SLC29A4: variants seen among roughly 807,000 people sequenced by gnomAD.
SLC29A4 encodes the protein solute carrier family 29 member 4, also known as equilibrative nucleoside transporter 4.
A neutral mutation model predicts 43.9 loss-of-function variants in SLC29A4; 36 were observed. The observed-to-expected ratio is 0.82, with a 90% CI of 0.63 to 1.08. SLC29A4 has a LOEUF of 1.08. SLC29A4 is among the 50% of genes least tolerant of loss of function. SLC29A4 has a pLI of 0.00. For synonymous variants in SLC29A4, 491 were observed against 338.0 expected (o/e 1.45, Z -4.97); for missense variants, 869 against 755.3 (o/e 1.15, Z -1.77).
In SLC29A4 at chr7:5,300,596, T is replaced by C; in HGVS notation, c.1384T>C (p.Tyr462His). The change falls in exon 10 of 11, where the codon TAC (tyrosine) becomes CAC (histidine). Residue 462 changes from tyrosine to histidine, a missense_variant. Physicochemically the swap from Tyr to His is moderately conservative, Grantham distance 83 (BLOSUM62 2). Coordinates refer to ENST00000396872, the MANE Select transcript of SLC29A4 (RefSeq NM_153247.4). The stretch of plus-strand genomic sequence containing the variant: ...ACTGCTCATGGGCATCAGCAACGGC[T>C]ACTTCGGCAGCGTGCCCATGATCCT... ...FSLLMGISNG[Y>H]FGSVPMILAA... The C allele has an allele frequency of 6.2e-7, 1 of 1,611,418 alleles. No individual in the cohort carries two copies. The highest frequency in any genetic ancestry group is 8.5e-7 in the Non-Finnish European group (1 of 1,179,078).
In SLC29A4 at chr7:5,291,171, C is replaced by G. The variant is rs781460370; in HGVS notation, c.349C>G (p.Leu117Val). The G allele has an allele frequency of 6.2e-7, 1 of 1,613,780 alleles. No individual in the cohort carries two copies. The highest frequency in any genetic ancestry group is 8.5e-7 in the Non-Finnish European group (1 of 1,180,026). ...GAGCCTCACCTACATCTTGGTGGCA[C>G]TGGCAGCTGTCCTCCTGAACAACGT... ...DMSLTYILVA[L>V]AAVLLNNVLV... The change falls in exon 4 of 11, where the codon CTG becomes GTG. Residue 117 changes from leucine (L) to valine (V), a missense_variant. By Grantham distance (32) the Leu-to-Val change is conservative (BLOSUM62 1). Coordinates refer to ENST00000396872, the MANE Select transcript of SLC29A4 (RefSeq NM_153247.4).
chr7:5,290,422 C>T (rs1393573286), intron 2 of SLC29A4, among the ~76,000 whole-genome samples: 4 of 152,202 alleles, frequency 2.6e-5, no homozygotes, highest in African/African-American at 4.8e-5. Flanking sequence ...GTCTCGAACT[C>T]CTGAGTTCAG....
intron 4 of SLC29A4, 108 bp downstream of exon 4, chr7:5,291,345 T>C (rs1583657459): frequency 1.8e-5 from 19 of 1,081,734 alleles, no homozygotes; most frequent in Non-Finnish European, 2.3e-5. Context: ...GTCTGTAAAA[T>C]GGGCACACTT....
intron 5 of SLC29A4, among the ~76,000 whole-genome samples, chr7:5,293,839 GC>G (rs1785470759): frequency 6.6e-6 from 1 of 152,104 alleles, no homozygotes; most frequent in Non-Finnish European, 1.5e-5. Context: ...ATGCATGGTG[GC>G]TCATGCTTGT....
At chr7:5,295,003 G>C in intron 6 of SLC29A4, 69 bp downstream of exon 6, 1 of 1,397,390 alleles carries the variant, frequency 7.2e-7, no homozygotes. Flanking sequence ...TTCTTCCCAG[G>C]GACTCCCCAT....
intron 7 of SLC29A4, among the ~76,000 whole-genome samples, chr7:5,298,549 C>T (rs193091151): frequency 2.1e-4 from 32 of 152,228 alleles, no homozygotes; most frequent in African/African-American, 7.2e-4. Context: ...CCCAGCTATA[C>T]AGGAGGCCAA....
chr7:5,286,304 C>G (rs1356238701), intron 1 of SLC29A4, among the ~76,000 whole-genome samples: 3 of 152,028 alleles, frequency 2.0e-5, no homozygotes, highest in African/African-American at 4.8e-5. Context: ...GCGGGCAGAT[C>G]ACAAGGTCAA....
In SLC29A4 at chr7:5,306,877, T is replaced by TAACATA. The variant is rs1554265236; in HGVS notation, c.*3940_*3941insCATAAA. Reference sequence around the variant, plus strand: ...AACAAACAAAATTCCAAAAGAAACATAAAAAAAAAAACCAATAATTCCCCC... The same window carrying TAACATA: ...AACAAACAAAATTCCAAAAGAAACATAACATAAAAAAAAAAAACCAATAATTCCCCC... On this transcript the variant is annotated 3_prime_UTR_variant, in exon 11 of 11. Coordinates refer to ENST00000396872, the MANE Select transcript of SLC29A4 (RefSeq NM_153247.4). 1.4e-5 allele frequency: 2 copies of TAACATA among 146,974 alleles called. No homozygotes were observed. The highest frequency in any genetic ancestry group is 3.0e-5 in the Non-Finnish European group (2 of 66,700). 9.1% of individuals were successfully genotyped at this position (146,974 alleles called of 1,614,324 possible). A position where few individuals can be genotyped will look rare whatever the true frequency, so the allele number is the denominator to read the frequency against.
rs1328547809 is a variant in SLC29A4 at position 5,306,258 on chromosome 7, G to T, written c.*3319G>T. On this transcript the variant is annotated 3_prime_UTR_variant, in exon 11 of 11. Coordinates refer to ENST00000396872, the MANE Select transcript of SLC29A4 (RefSeq NM_153247.4). ...CCCCCAGGCCAGAGTGCAGTGGTGC[G>T]ATCTCAACTCACTGCAACCTCCACC... is the stretch of plus-strand genomic sequence containing the variant. The T allele has an allele frequency of 2.4e-5, 3 of 125,820 alleles. No individual in the cohort carries two copies. Among genetic ancestry groups the T allele is most frequent in the Admixed American group, 1.9e-4 (2 of 10,336 alleles). 7.8% of individuals were successfully genotyped at this position (125,820 alleles called of 1,614,324 possible).
chr7:5,297,679 G>A (rs1004567875), intron 7 of SLC29A4, among the ~76,000 whole-genome samples: 7 of 152,204 alleles, frequency 4.6e-5, no homozygotes, highest in African/African-American at 1.7e-4. Flanking sequence ...CAGGAGGGAA[G>A]TCAGGGCTCA....
At chr7:5,284,889 C>T (rs1275544173) in intron 1 of SLC29A4, among the ~76,000 whole-genome samples, 1 of 152,200 alleles carries the variant, frequency 6.6e-6, no homozygotes, top group East Asian at 1.9e-4. Context: ...GCAGAAACCT[C>T]GGCTTTCTGG....
chr7:5,302,352 C>A (rs1436763309), intron 10 of SLC29A4, among the ~76,000 whole-genome samples: 1 of 152,102 alleles, frequency 6.6e-6, no homozygotes, highest in Non-Finnish European at 1.5e-5. Context: ...CCAGCCTGGG[C>A]AGTATAGCAA....
rs374777740 is a variant in SLC29A4 at position 5,302,967 on chromosome 7, C to T, written c.*28C>T. On this transcript the variant is annotated 3_prime_UTR_variant, in exon 11 of 11. Transcript: ENST00000396872. ...CAGCCCCGCCCACTGCCAGGGACGC[C>T]GAGGGCCTGACCAGGGGCCCCGAGG... The T allele has an allele frequency of 6.9e-5, 110 of 1,595,446 alleles. No individual in the cohort carries two copies. The highest frequency in any genetic ancestry group is 4.5e-5 in the East Asian group (2 of 44,184).
At chr7:5,300,262 G>A (rs373904282) in intron 9 of SLC29A4, among the ~76,000 whole-genome samples, 160 bp from the exon 10 acceptor site, 1 of 152,116 alleles carries the variant, frequency 6.6e-6, no homozygotes, top group Non-Finnish European at 1.5e-5. Context: ...GGAATTTGGG[G>A]GGCTTTTAGA....
rs1786444606 is a variant in SLC29A4, at chr7:5,305,579, A to ATTTTT, written c.*2640_*2641insTTTTT. 4 of 49,348 alleles carry ATTTTT rather than the reference A, an allele frequency of 8.1e-5. No individual in the cohort carries two copies. Among genetic ancestry groups the ATTTTT allele is most frequent in the South Asian group, 1.4e-3 (2 of 1,418 alleles). 3.1% of individuals were successfully genotyped at this position (49,348 alleles called of 1,614,324 possible). A position where few individuals can be genotyped will look rare whatever the true frequency, so the allele number is the denominator to read the frequency against. ...TTGCTTTTTTTTTTTTTTTTTTTGG[A>ATTTTT]GGAGTTTCGCTTTTGTTGCCCAGGC... On this transcript the variant is annotated 3_prime_UTR_variant, in exon 11 of 11. Coordinates refer to ENST00000396872, the MANE Select transcript of SLC29A4 (RefSeq NM_153247.4).
At position 5,306,810 on chromosome 7, in the gene SLC29A4, CTTTTCTT is replaced by C. The variant is rs1786548673; in HGVS notation, c.*3876_*3882del. The stretch of plus-strand genomic sequence containing the variant: ...GACAATTTTATTTTTCCAATTAAAT[CTTTTCTT>C]TTTTTTTATGAAAAAAGATCACACA... On this transcript the variant is annotated 3_prime_UTR_variant, in exon 11 of 11. Coordinates refer to ENST00000396872, the MANE Select transcript of SLC29A4 (RefSeq NM_153247.4). 6.6e-6 allele frequency: 1 copy of C among 151,650 alleles called. No individual in the cohort carries two copies. Among genetic ancestry groups the C allele is most frequent in the African/African-American group, 2.4e-5 (1 of 41,148 alleles). The allele number at this position is 151,650 out of a possible 1,614,324, so 9.4% of individuals were successfully genotyped here. A position where few individuals can be genotyped will look rare whatever the true frequency, so the allele number is the denominator to read the frequency against.
chr7:5,283,197 T>G, intron 1 of SLC29A4, 115 bp downstream of exon 1: 1 of 88,028 alleles, frequency 1.1e-5, no homozygotes, highest in Non-Finnish European at 2.4e-5. Flanking sequence ...CTGCCCCCTC[T>G]CCCCAGCCCG....
chr7:5,298,780 A>C (rs557078515), intron 7 of SLC29A4, among the ~76,000 whole-genome samples: 8 of 152,308 alleles, frequency 5.3e-5, no homozygotes, highest in African/African-American at 1.9e-4. Flanking sequence ...AGCCTCGGCA[A>C]CAGAGCAAGA....
chr7:5,296,473 C>T (rs1446469877), intron 6 of SLC29A4, among the ~76,000 whole-genome samples: 5 of 109,552 alleles, frequency 4.6e-5, no homozygotes, highest in Non-Finnish European at 7.5e-5. Flanking sequence ...GGAGTTGGGG[C>T]GGGAGAGACG....
Sources: allele counts gnomAD v4.1 joint callset (sites outside exome capture counted in the v4.1 genomes callset), GRCh38; gene constraint gnomAD v4.1.1; transcripts MANE v1.5; gene names NCBI Gene and HGNC (gene_info 2026-07-23, HGNC 2026-07-21).